The following NFIC variants were observed in gnomAD, a reference collection of about 807,000 sequenced individuals.
NFIC encodes the protein nuclear factor 1 C-type.
A neutral mutation model predicts 54.4 loss-of-function variants in NFIC; 12 were observed. The observed-to-expected ratio is 0.22, with a 90% CI of 0.14 to 0.36. The LOEUF is 0.36. Ranked by LOEUF, NFIC falls within the 10% of genes least tolerant of loss-of-function variation. NFIC has a pLI of 1.00. For missense variants in NFIC, 575 were observed against 718.2 expected (o/e 0.80, Z 2.28); for synonymous variants, 322 against 319.2 (o/e 1.01, Z -0.09).
intron 3 of NFIC, among the ~76,000 whole-genome samples, chr19:3,427,941 G>T (rs2082053267): frequency 6.7e-6 from 1 of 150,242 alleles, no homozygotes; most frequent in African/African-American, 2.4e-5. Context: ...GGACTGAGGT[G>T]GGTGGATCAC....
intron 9 of NFIC, 141 bp from the exon 10 acceptor site, chr19:3,456,409 G>A (rs1291787170): frequency 2.0e-5 from 15 of 740,206 alleles, no homozygotes; most frequent in Non-Finnish European, 2.6e-5. Flanking sequence ...GGGGTAGGGC[G>A]GCAGGCTCGG....
rs2082488496 is a variant in NFIC at position 3,452,798 on chromosome 19, T to C, written c.1269+132T>C. On this transcript the variant is annotated intron_variant, in intron 8 of 10. Coordinates refer to ENST00000443272, the MANE Select transcript of NFIC (RefSeq NM_001245002.2). The surrounding 1 kb of genome is among the most constrained non-coding windows in gnomAD (Gnocchi z 5.3). ...GACTTGGCTCTGAAGTCCCCTCCTC[T>C]GTCGTGCTGGGAGGCAGCTGGATTG... is the stretch of plus-strand genomic sequence containing the variant. The C allele has an allele frequency of 1.8e-6, 2 of 1,121,654 alleles. No individual in the cohort carries two copies. The highest frequency in any genetic ancestry group is 2.5e-6 in the Non-Finnish European group (2 of 801,324). 69.5% of individuals were successfully genotyped at this position (1,121,654 alleles called of 1,614,324 possible).
At chr19:3,445,086 C>CATATGCACACAT (rs1330524168) in intron 6 of NFIC, among the ~76,000 whole-genome samples, 1 of 152,016 alleles carries the variant, frequency 6.6e-6, no homozygotes, top group African/African-American at 2.4e-5. Context: ...TGCACACGTC[C>CATATGCACACAT]ACATATGCTC....
chr19:3,423,997 CATTTT>C (rs1039146330), intron 2 of NFIC, among the ~76,000 whole-genome samples: 9 of 152,110 alleles, frequency 5.9e-5, no homozygotes, highest in Non-Finnish European at 8.8e-5. Context: ...GACTGAACCT[CATTTT>C]ATTTTATTTA....
chr19:3,367,237 G>A (rs2080907379), intron 1 of NFIC, among the ~76,000 whole-genome samples: 1 of 152,328 alleles, frequency 6.6e-6, no homozygotes, highest in African/African-American at 2.4e-5. Context: ...TGGAGGGGGA[G>A]GGGGCAGGAG....
intron 3 of NFIC, among the ~76,000 whole-genome samples, chr19:3,430,931 C>CAAAAAA (rs59760975): frequency 1.7e-4 from 14 of 80,182 alleles, no homozygotes; most frequent in African/African-American, 5.2e-4. Flanking sequence ...GACTCCGTCT[C>CAAAAAA]AAAAAAAAAA....
At chr19:3,394,519 A>ACACCCCCCCCCCC (rs1555744611) in intron 2 of NFIC, among the ~76,000 whole-genome samples, 2 of 47,312 alleles carry the variant, frequency 4.2e-5, no homozygotes, top group African/African-American at 2.7e-4. Context: ...TCTTTTCCCC[A>ACACCCCCCCCCCC]CCCACCCCCC....
At chr19:3,448,845 CGTTTACTCCTCT>C (rs1018472681) in intron 6 of NFIC, among the ~76,000 whole-genome samples, 157 bp from the exon 7 acceptor site, 8 of 152,170 alleles carry the variant, frequency 5.3e-5, no homozygotes, top group Admixed American at 5.2e-4. Context: ...TCTGAGCCTT[CGTTTACTCCTCT>C]GTGTAATGGG....
intron 2 of NFIC, among the ~76,000 whole-genome samples, chr19:3,398,813 G>A (rs776965690): frequency 3.9e-5 from 6 of 152,174 alleles, no homozygotes; most frequent in Non-Finnish European, 7.4e-5. Context: ...CCGGGCCAGC[G>A]CCCAGCTGGG....
rs559930383 is a variant in NFIC, at chr19:3,405,122, C to A, written c.563-19984C>A. ...CTTTTCTTTGAAAGTGATTCCGAAG[C>A]AGGTTGGCTCCGGCCCAGGCGGCCC... On this transcript the variant is annotated intron_variant, in intron 2 of 10. Transcript: ENST00000443272. 7.2e-5 allele frequency among the ~76,000 whole-genome samples: 11 copies of A among 152,358 alleles called. 2 individuals carry two copies. Among genetic ancestry groups the A allele is most frequent in the Admixed American group, 6.5e-4 (10 of 15,308 alleles).
Position 3,467,753 on chromosome 19 carries a change from C to CTATATATATATATATATATA in NFIC, c.*4988_*4989insTATATATATATATATATATA, listed in dbSNP as rs2082734241. 6.3e-5 allele frequency: 2 copies of CTATATATATATATATATATA among 31,796 alleles called. No individual in the cohort carries two copies. The highest frequency in any genetic ancestry group is 3.7e-4 in the Admixed American group (1 of 2,716). The allele number at this position is 31,796 out of a possible 1,614,324, so 2.0% of individuals were successfully genotyped here. A position where few individuals can be genotyped will look rare whatever the true frequency, so the allele number is the denominator to read the frequency against. On this transcript the variant is annotated 3_prime_UTR_variant, in exon 11 of 11. Transcript: ENST00000443272. ...CTTTGACCTCCAGTGTAGGGCTATA[C>CTATATATATATATATATATA]TATACATATATATATATATATATAT... is the stretch of plus-strand genomic sequence containing the variant.
intron 2 of NFIC, among the ~76,000 whole-genome samples, chr19:3,420,855 T>C (rs2081943346): frequency 6.6e-6 from 1 of 152,088 alleles, no homozygotes; most frequent in Non-Finnish European, 1.5e-5. Flanking sequence ...CCCAAGTAGC[T>C]GGGATTACAG....
At chr19:3,361,691 A>G (rs961378201), upstream of NFIC, among the ~76,000 whole-genome samples, 1 of 151,914 alleles carries the variant, frequency 6.6e-6, no homozygotes, top group African/African-American at 2.4e-5. Context: ...GGTTGTCACC[A>G]TCCCTCACAC....
Position 3,369,613 on chromosome 19 carries a change from C to T in NFIC, c.30+2947C>T, listed in dbSNP as rs187666771. Among the ~76,000 whole-genome samples the T allele has an allele frequency of 4.5e-4, 69 of 152,278 alleles. No individual in the cohort carries two copies. Among genetic ancestry groups the T allele is most frequent in the Middle Eastern group, 3.4e-3 (1 of 294 alleles). ...TGGCGGCCCTGGGGCATTCTGGGAG[C>T]CCCGGGCCGGGCTCAGCGGTGACTC... On this transcript the variant is annotated intron_variant, in intron 1 of 10. Coordinates refer to ENST00000443272, the MANE Select transcript of NFIC (RefSeq NM_001245002.2). This position sits in a 1 kb window ranked among gnomAD's most constrained non-coding sequence, Gnocchi z 4.3.
At position 3,369,908 on chromosome 19, in the gene NFIC, C is replaced by T. The variant is rs965904234; in HGVS notation, c.30+3242C>T. Among the ~76,000 whole-genome samples the T allele has an allele frequency of 1.3e-5, 2 of 152,206 alleles. No individual in the cohort carries two copies. Among genetic ancestry groups the T allele is most frequent in the African/African-American group, 4.8e-5 (2 of 41,450 alleles). ...GTTTCCTTCATTCGTTCGTCCCATG[C>T]CCTCTCGGAGCACAATGTGCTTTGC... On this transcript the variant is annotated intron_variant, in intron 1 of 10. Transcript: ENST00000443272. This position sits in a 1 kb window ranked among gnomAD's most constrained non-coding sequence, Gnocchi z 4.3.
intron 2 of NFIC, among the ~76,000 whole-genome samples, chr19:3,410,101 T>C (rs2081728884): frequency 6.6e-6 from 1 of 151,948 alleles, no homozygotes; most frequent in Non-Finnish European, 1.5e-5. Flanking sequence ...AGTGCAGTGG[T>C]TCGATCTCGG....
At chr19:3,383,527 T>C (rs2081245979) in intron 2 of NFIC, among the ~76,000 whole-genome samples, 1 of 152,024 alleles carries the variant, frequency 6.6e-6, no homozygotes, top group Non-Finnish European at 1.5e-5. Flanking sequence ...TGCCAAATGG[T>C]GGAGATGATC....
chr19:3,404,905 CG>C (rs1343663663), intron 2 of NFIC, among the ~76,000 whole-genome samples: 2 of 152,014 alleles, frequency 1.3e-5, no homozygotes, highest in African/African-American at 4.8e-5. Context: ...TCCCCAGAGG[CG>C]GGCCCGAGAC....
chr19:3,419,802 A>C (rs1053072341), intron 2 of NFIC, among the ~76,000 whole-genome samples: 1 of 151,698 alleles, frequency 6.6e-6, no homozygotes, highest in Non-Finnish European at 1.5e-5. Flanking sequence ...CTGTTCCAAA[A>C]AAAAAAAAAA....
Sources: allele counts gnomAD v4.1 joint callset (sites outside exome capture counted in the v4.1 genomes callset), GRCh38; gene constraint gnomAD v4.1.1; non-coding constraint Gnocchi (gnomAD v3.1); transcripts MANE v1.5; gene names NCBI Gene and HGNC (gene_info 2026-07-23, HGNC 2026-07-21).